The following NEO1 variants were observed in gnomAD, a reference collection of about 807,000 sequenced individuals.
The protein encoded by NEO1 is neogenin 1.
NEO1 carries 63 observed loss-of-function variants against 159.7 expected under a neutral mutation model. That is an observed-to-expected ratio of 0.39 (90% CI 0.32 to 0.49). The LOEUF (loss-of-function observed/expected upper bound fraction) is 0.49. Ranked by LOEUF, NEO1 falls within the 20% of genes least tolerant of loss-of-function variation. The probability of loss-of-function intolerance (pLI) is 0.85; values close to 1 mark genes in which losing one functional copy is unlikely to be tolerated. For synonymous variants in NEO1, 633 were observed against 662.0 expected (o/e 0.96, Z 0.67); for missense variants, 1,615 against 1,831.0 (o/e 0.88, Z 2.15).
chr15:73,301,386 C>G lies in NEO1; in HGVS notation c.4231C>G (p.Pro1411Ala). 6.2e-7 allele frequency: 1 copy of G among 1,614,162 alleles called. No homozygotes were observed. The highest frequency in any genetic ancestry group is 1.1e-5 in the South Asian group (1 of 91,074). Residue 1411 changes from proline (P) to alanine (A), a missense_variant, in exon 28 of 29, where the codon CCT becomes GCT. Around this residue, in one of 3 missense-constraint regions of NEO1, gnomAD observed 471 missense variants for 498.9 expected, o/e 0.94. Transcript: ENST00000261908. ...SIGTLGRSRP[P>A]MPVVVPSAPE... ...CGGGACTCTAGGAAGGAGCCGGCCT[C>G]CTATGCCAGTGGTTGTTCCCAGTGC...
chr15:73,133,011 T>C (rs2031322573), intron 4 of NEO1, among the ~76,000 whole-genome samples: 1 of 152,178 alleles, frequency 6.6e-6, no homozygotes, highest in African/African-American at 2.4e-5. Context: ...TATCATTCGA[T>C]CCAGCAATCC....
Position 73,128,231 on chromosome 15 carries a change from T to C in NEO1, c.878+1661T>C, listed in dbSNP as rs1180315575. On this transcript the variant is annotated intron_variant, in intron 4 of 28. Transcript: ENST00000261908. ...AAATATTACATAAGCAAAGAATTTATAAGACTTCATTTTTTTTTTTTTTTG... is the reference window on the plus strand; with the variant it reads ...AAATATTACATAAGCAAAGAATTTACAAGACTTCATTTTTTTTTTTTTTTG... Among the ~76,000 whole-genome samples the C allele has an allele frequency of 6.7e-5, 10 of 149,716 alleles. No individual in the cohort carries two copies. In the East Asian group the frequency reaches 1.9e-3, roughly 29 times the overall value.
intron 7 of NEO1, among the ~76,000 whole-genome samples, chr15:73,220,377 A>C (rs962260541): frequency 2.2e-4 from 34 of 151,928 alleles, no homozygotes; most frequent in Non-Finnish European, 4.3e-4. Context: ...CCTTCATTTC[A>C]ACTTTGGTGA....
chr15:73,204,733 A>G (rs1406461238), intron 7 of NEO1, among the ~76,000 whole-genome samples: 1 of 152,190 alleles, frequency 6.6e-6, no homozygotes, highest in African/African-American at 2.4e-5. Context: ...CCTGGTGATA[A>G]TTCCAACATC....
chr15:73,124,527 G>A (rs953499028), intron 3 of NEO1, among the ~76,000 whole-genome samples: 6 of 151,790 alleles, frequency 4.0e-5, no homozygotes, highest in African/African-American at 1.5e-4. Context: ...TCCCTCACTC[G>A]AAGATTGTGA....
At chr15:73,270,294 T>G (rs1409443065) in intron 17 of NEO1, 22 bp from the exon 18 acceptor site, 2 of 1,613,980 alleles carry the variant, frequency 1.2e-6, no homozygotes, top group Admixed American at 3.3e-5. Flanking sequence ...AATTTTAAAG[T>G]CTCAATTCAT....
At chr15:73,144,740 G>A (rs768604413) in intron 5 of NEO1, among the ~76,000 whole-genome samples, 5 of 152,054 alleles carry the variant, frequency 3.3e-5, no homozygotes, top group East Asian at 1.9e-4. Context: ...CTCAGAAATC[G>A]CATGTCCAAA....
intron 1 of NEO1, among the ~76,000 whole-genome samples, chr15:73,068,223 A>ACC (rs1555421033): frequency 0.089 from 7,366 of 82,576 alleles, 387 homozygotes; most frequent in African/African-American, 0.17. Context: ...TTGTCCCCCT[A>ACC]CCCCCCCCCC....
rs1377513433 is a variant in NEO1, at chr15:73,266,484, A to T, written c.2494+73A>T. The T allele has an allele frequency of 5.5e-6, 6 of 1,091,824 alleles. No individual in the cohort carries two copies. In the South Asian group the frequency reaches 1.2e-4, roughly 22 times the overall value. The allele number at this position is 1,091,824 out of a possible 1,614,324, so 67.6% of individuals were successfully genotyped here. On this transcript the variant is annotated intron_variant, in intron 16 of 28. Coordinates refer to ENST00000261908, the MANE Select transcript of NEO1 (RefSeq NM_002499.4). Reference sequence around the variant, plus strand: ...TAGGCAGAATATTGGCATGAGGCCTATCCCATAGGTGTTAGGGAAGAAAAA... The same window carrying T: ...TAGGCAGAATATTGGCATGAGGCCTTTCCCATAGGTGTTAGGGAAGAAAAA...
At chr15:73,086,353 G>A (rs1452977231) in intron 1 of NEO1, among the ~76,000 whole-genome samples, 1 of 152,000 alleles carries the variant, frequency 6.6e-6, no homozygotes, top group African/African-American at 2.4e-5. Flanking sequence ...TTTCAAGTTG[G>A]GTAGTTTGAA....
chr15:73,075,929 G>GT lies in NEO1; in HGVS notation c.130+23125dup, dbSNP rs565144839. Among the ~76,000 whole-genome samples, 12 of 152,172 alleles carry GT rather than the reference G, an allele frequency of 7.9e-5. No homozygotes were observed. The East Asian group carries it at 2.3e-3, about 29-fold the overall frequency. The stretch of plus-strand genomic sequence containing the variant: ...GACTAGGATTATGCCACATTCTTTT[G>GT]TAAGTTGTAACCTATTTTTGTCTGT... On this transcript the variant is annotated intron_variant, in intron 1 of 28. Coordinates refer to ENST00000261908, the MANE Select transcript of NEO1 (RefSeq NM_002499.4).
At chr15:73,089,675 T>C (rs1221480435) in intron 1 of NEO1, among the ~76,000 whole-genome samples, 1 of 151,832 alleles carries the variant, frequency 6.6e-6, no homozygotes, top group Non-Finnish European at 1.5e-5. Flanking sequence ...AAAGGGAAAA[T>C]GTCTTTCTCA....
chr15:73,212,203 G>T (rs1445201168), intron 7 of NEO1, among the ~76,000 whole-genome samples: 2 of 151,962 alleles, frequency 1.3e-5, no homozygotes, highest in East Asian at 3.9e-4. Flanking sequence ...TATTGCCAAG[G>T]GTGAGGGATT....
At chr15:73,221,040 T>TC (rs1382201977) in intron 7 of NEO1, among the ~76,000 whole-genome samples, 1 of 152,142 alleles carries the variant, frequency 6.6e-6, no homozygotes, top group Non-Finnish European at 1.5e-5. Context: ...CTCTGTTTTT[T>TC]CCCCATCTTT....
Position 73,052,748 on chromosome 15 carries a change from G to C in NEO1, c.73G>C (p.Gly25Arg). 1 of 1,273,154 alleles carries C rather than the reference G, an allele frequency of 7.9e-7. No individual in the cohort carries two copies. The highest frequency in any genetic ancestry group is 1.0e-6 in the Non-Finnish European group (1 of 1,003,778). The allele number at this position is 1,273,154 out of a possible 1,614,324, so 78.9% of individuals were successfully genotyped here. Residue 25 changes from glycine (G) to arginine (R), a missense_variant, in exon 1 of 29, where the codon GGG becomes CGG. Around this residue, in one of 3 missense-constraint regions of NEO1, gnomAD observed 1,018 missense variants for 1,115.4 expected, o/e 0.91. Transcript: ENST00000261908. ...CTGGCTCTACTGCCTGCTGCTGCTC[G>C]GGCGCCGGGCGCCGGGCGCCGCGGC... is the stretch of plus-strand genomic sequence containing the variant. ...SFWLYCLLLL[G>R]RRAPGAAAAR... is the part of the protein sequence containing the mutation.
chr15:73,122,478 A>G, intron 2 of NEO1, 47 bp from the exon 3 acceptor site: 1 of 1,553,260 alleles, frequency 6.4e-7, no homozygotes, highest in Non-Finnish European at 8.7e-7. Flanking sequence ...AAAATTTTAA[A>G]GTAATATTTA....
chr15:73,120,646 A>G (rs2071593409), intron 2 of NEO1, among the ~76,000 whole-genome samples: 1 of 150,006 alleles, frequency 6.7e-6, no homozygotes, highest in Admixed American at 6.6e-5. Context: ...TTTTTTTTTA[A>G]CAATCCTGTG....
At chr15:73,101,008 C>A (rs919523871) in intron 1 of NEO1, among the ~76,000 whole-genome samples, 1 of 152,200 alleles carries the variant, frequency 6.6e-6, no homozygotes, top group African/African-American at 2.4e-5. Context: ...CTCATATGTT[C>A]ATTCTTCTTT....
rs902076005 is a variant in NEO1 at position 73,260,465 on chromosome 15, G to A, written c.2398G>A (p.Asp800Asn). ...GCGCTATTACACCATTGAAAATCTGGGTATGTTTGCTAAGTAGAGAAAGTT... is the reference window on the plus strand; with the variant it reads ...GCGCTATTACACCATTGAAAATCTGAGTATGTTTGCTAAGTAGAGAAAGTT... Reference protein sequence around the residue: ...KQRYYTIENLDPSSHYVITLK... With the variant: ...KQRYYTIENLNPSSHYVITLK... The change falls in exon 15 of 29, where the codon GAT becomes AAT. Residue 800 changes from aspartate to asparagine, a missense_variant and splice_region_variant. Asp to Asn is a conservative substitution (Grantham distance 23, BLOSUM62 1). Transcript: ENST00000261908. The A allele has an allele frequency of 6.3e-7, 1 of 1,579,208 alleles. No individual in the cohort carries two copies. The highest frequency in any genetic ancestry group is 8.7e-7 in the Non-Finnish European group (1 of 1,154,560).
Sources: gnomAD v4.1 joint callset for allele counts (sites outside exome capture counted in the v4.1 genomes callset) on GRCh38, gnomAD v4.1.1 for gene constraint, gnomAD v4.1.1 regional missense constraint, MANE v1.5 for transcripts, NCBI Gene and HGNC (gene_info 2026-07-23, HGNC 2026-07-21) for gene names.